Variants in GDF5 observed in about 807,000 individuals in gnomAD.
The protein encoded by GDF5 is growth/differentiation factor 5.
Under a neutral mutation model 34.6 loss-of-function variants are expected in GDF5, and 17 were observed. That is an observed-to-expected ratio of 0.49 (90% CI 0.34 to 0.74). The LOEUF (loss-of-function observed/expected upper bound fraction) is 0.74, where lower values mean the gene tolerates loss of function less well. Among genes scored for constraint, GDF5 ranks in the 30% least tolerant of loss-of-function variants. The pLI is 0.01. For synonymous variants in GDF5, 332 were observed against 290.7 expected (o/e 1.14, Z -1.44); for missense variants, 616 against 661.2 (o/e 0.93, Z 0.75).
At position 35,451,412 on chromosome 20, in the gene GDF5, C is replaced by G. The variant is rs183997335; in HGVS notation, c.-398+3228G>C. ...CCAATCCAGCCTCCTTTGAGAACTCCCCAGTCTGGTTCATCAGACAGGTCT... is the reference window on the plus strand; with the variant it reads ...CCAATCCAGCCTCCTTTGAGAACTCGCCAGTCTGGTTCATCAGACAGGTCT... On this transcript the variant is annotated intron_variant, in intron 1 of 3. Coordinates refer to the GDF5 transcript ENST00000374372. Among the ~76,000 whole-genome samples, 3 of 152,046 alleles carry G rather than the reference C, an allele frequency of 2.0e-5. No individual in the cohort carries two copies. The East Asian group carries it at 5.8e-4, about 29-fold the overall frequency.
chr20:35,440,314 A>G (rs1293106198), upstream of GDF5, among the ~76,000 whole-genome samples: 1 of 151,750 alleles, frequency 6.6e-6, no homozygotes, highest in African/African-American at 2.4e-5. Context: ...ACACACACAC[A>G]AAATAAGTAA....
chr20:35,437,268 A>G (rs952841868), intron 1 of GDF5, 30 bp downstream of exon 1: 10 of 1,482,956 alleles, frequency 6.7e-6, no homozygotes, highest in Non-Finnish European at 9.4e-6. Flanking sequence ...CCTCCCTCTG[A>G]GCCGTGCCCC....
At chr20:35,448,413 A>AAAATATATAT (rs1236837477) in intron 1 of GDF5, among the ~76,000 whole-genome samples, 1 of 96,478 alleles carries the variant, frequency 1.0e-5, no homozygotes, top group African/African-American at 4.0e-5. Context: ...AAAAAAAAAA[A>AAAATATATAT]ATATATATAT....
In GDF5 at chr20:35,434,046, C is replaced by T. The variant is rs2062456101; in HGVS notation, c.1369G>A (p.Asp457Asn). 6.2e-7 allele frequency: 1 copy of T among 1,612,018 alleles called. No homozygotes were observed. Among genetic ancestry groups the T allele is most frequent in the South Asian group, 1.1e-5 (1 of 90,948 alleles). ...AVIQTLMNSM[D>N]PESTPPTCCV... ...CAGGTGGGTGGTGTGGACTCGGGGT[C>T]CATGGAGTTCATCAGGGTCTGGATG... Residue 457 changes from aspartate to asparagine, a missense_variant, in exon 2 of 2, where the codon GAC becomes AAC. Transcript: ENST00000374369.
intron 1 of GDF5, chr20:35,435,341 C>A: frequency 6.1e-6 from 1 of 163,882 alleles, no homozygotes; most frequent in Non-Finnish European, 1.3e-5. Flanking sequence ...GTCCCAGCTA[C>A]TCAGGAGGCT....
intron 1 of GDF5, among the ~76,000 whole-genome samples, chr20:35,435,629 G>A (rs1482694366): frequency 6.6e-6 from 1 of 152,076 alleles, no homozygotes; most frequent in Non-Finnish European, 1.5e-5. Flanking sequence ...ACAGAGATGG[G>A]GAGTGACTTG....
chr20:35,436,014 A>T (rs990626677), intron 1 of GDF5, among the ~76,000 whole-genome samples: 1 of 152,114 alleles, frequency 6.6e-6, no homozygotes, highest in African/African-American at 2.4e-5. Context: ...GCATGCATGT[A>T]CATGTGTGAT....
At position 35,437,983 on chromosome 20, in the gene GDF5, C is replaced by A; in HGVS notation, c.-55G>T. The A allele has an allele frequency of 6.2e-7, 1 of 1,604,500 alleles. No homozygotes were observed. Among genetic ancestry groups the A allele is most frequent in the Non-Finnish European group, 8.5e-7 (1 of 1,174,672 alleles). On this transcript the variant is annotated 5_prime_UTR_variant, in exon 1 of 2. Coordinates refer to ENST00000374369, the MANE Select transcript of GDF5 (RefSeq NM_000557.5). Reference sequence around the variant, plus strand: ...GAGAACAGCGGCAGCAGCGAAGGTGCCTCTGGTTTGGCAGGAAAAACCATG... The same window carrying A: ...GAGAACAGCGGCAGCAGCGAAGGTGACTCTGGTTTGGCAGGAAAAACCATG...
At chr20:35,450,625 G>C (rs140714660) in intron 1 of GDF5, among the ~76,000 whole-genome samples, 1 of 151,954 alleles carries the variant, frequency 6.6e-6, no homozygotes, top group African/African-American at 2.4e-5. Flanking sequence ...ACTCTTCAGG[G>C]GTTCCCTACT....
intron 1 of GDF5, among the ~76,000 whole-genome samples, chr20:35,450,776 A>G (rs1489142230): frequency 6.6e-6 from 1 of 151,946 alleles, no homozygotes; most frequent in East Asian, 1.9e-4. Context: ...TCTTCTTGCT[A>G]GAGTTCACAG....
upstream of GDF5, chr20:35,441,165 A>AT (rs1301821919): frequency 6.6e-6 from 1 of 152,196 alleles, no homozygotes; most frequent in Admixed American, 6.5e-5. Flanking sequence ...CTATTTATGT[A>AT]TTGTGTGATC....
chr20:35,439,236 CTTTTTTT>C (rs1210665697), upstream of GDF5, among the ~76,000 whole-genome samples: 2 of 129,268 alleles, frequency 1.5e-5, no homozygotes, highest in Non-Finnish European at 3.3e-5. Flanking sequence ...CCACATGACG[CTTTTTTT>C]TTTTTTTTTT....
chr20:35,434,007 G>A lies in GDF5; in HGVS notation c.1408C>T (p.Arg470Trp), dbSNP rs530033800. ...AAGAGGATGCTGATGGGACTCAGCC[G>A]CGTGGGCACACAGCAGGTGGGTGGT... ...STPPTCCVPT[R>W]LSPISILFID... is the part of the protein sequence containing the mutation. The change falls in exon 2 of 2, where the codon CGG becomes TGG. Residue 470 changes from arginine (R) to tryptophan (W), a missense_variant. By Grantham distance (101) the Arg-to-Trp change is moderately radical (BLOSUM62 -3). Transcript: ENST00000374369. 5.6e-6 allele frequency: 9 copies of A among 1,613,754 alleles called. No homozygotes were observed. Among genetic ancestry groups the A allele is most frequent in the African/African-American group, 2.7e-5 (2 of 74,912 alleles).
At chr20:35,441,191 A>C (rs2062496515), upstream of GDF5, 1 of 152,016 alleles carries the variant, frequency 6.6e-6, no homozygotes, top group Non-Finnish European at 1.5e-5. Context: ...AAGCCTCTAA[A>C]CCCCTCTGAA....
chr20:35,440,227 G>A (rs2062493556), upstream of GDF5, among the ~76,000 whole-genome samples: 1 of 150,884 alleles, frequency 6.6e-6, no homozygotes, highest in Admixed American at 6.6e-5. Flanking sequence ...AAATTAGCCG[G>A]GTGTGGAGGC....
At chr20:35,437,233 A>G in intron 1 of GDF5, 65 bp downstream of exon 1, 1 of 1,186,710 alleles carries the variant, frequency 8.4e-7, no homozygotes. Context: ...AGGGCTTTGA[A>G]AGCCCCTCCA....
chr20:35,447,282 G>A (rs1291982779), intron 1 of GDF5, among the ~76,000 whole-genome samples: 1 of 151,560 alleles, frequency 6.6e-6, no homozygotes, highest in Non-Finnish European at 1.5e-5. Flanking sequence ...CAATTCCCGC[G>A]TGTTCTCACT....
Position 35,434,293 on chromosome 20 carries a change from G to A in GDF5, c.1122C>T (p.Phe374=), listed in dbSNP as rs1237192347. The A allele has an allele frequency of 1.3e-5, 21 of 1,614,052 alleles. No individual in the cohort carries two copies. The highest frequency in any genetic ancestry group is 1.8e-5 in the Non-Finnish European group (21 of 1,180,046). ...GGGCCCGCCGTTTTCGCCGCTGGCT[G>A]AACAGGTACTCATACACGGTCTTAT... ...QDDKTVYEYL[F]SQRRKRRAPL... is the part of the protein sequence containing the mutation. Residue 374 remains phenylalanine (F), a synonymous_variant, in exon 2 of 2, where the codon TTC becomes TTT. Coordinates refer to ENST00000374369, the MANE Select transcript of GDF5 (RefSeq NM_000557.5).
At chr20:35,439,905 C>CTTTT (rs1291309788), upstream of GDF5, among the ~76,000 whole-genome samples, 4 of 98,996 alleles carry the variant, frequency 4.0e-5, no homozygotes, top group African/African-American at 1.4e-4. Context: ...GATAGGCTTC[C>CTTTT]TTCTTTTTTT....
Sources: gnomAD v4.1 joint callset for allele counts (sites outside exome capture counted in the v4.1 genomes callset) on GRCh38, gnomAD v4.1.1 for gene constraint, MANE v1.5 for transcripts, NCBI Gene and HGNC (gene_info 2026-07-23, HGNC 2026-07-21) for gene names.